GRXCR2: variants seen among roughly 807,000 people sequenced by gnomAD.
GRXCR2 encodes the protein glutaredoxin domain-containing cysteine-rich protein 2.
Under a neutral mutation model 24.8 loss-of-function variants are expected in GRXCR2, and 23 were observed. That is an observed-to-expected ratio of 0.93 (90% CI 0.67 to 1.32). GRXCR2 has a LOEUF of 1.32. Among genes scored for constraint, GRXCR2 ranks in the 40% most tolerant of loss-of-function variants. GRXCR2 has a pLI of 0.00. For missense variants in GRXCR2, 315 were observed against 303.4 expected (o/e 1.04, Z -0.28); for synonymous variants, 130 against 116.1 (o/e 1.12, Z -0.77).
At chr5:145,927,853 A>G (rs1757422468) in intron 2 of GRXCR2, among the ~76,000 whole-genome samples, 1 of 152,194 alleles carries the variant, frequency 6.6e-6, no homozygotes, top group African/African-American at 2.4e-5. Context: ...GAAGCACTTC[A>G]TGTCTAAAAC....
chr5:145,876,191 G>GTATATATATATATATATATATATA (rs748811333), upstream of GRXCR2, among the ~76,000 whole-genome samples: 2 of 105,312 alleles, frequency 1.9e-5, no homozygotes, highest in Non-Finnish European at 3.7e-5. Context: ...GTGTGTGTGT[G>GTATATATATATATATATATATATA]TATATATATA....
chr5:145,918,717 G>C (rs895734386), intron 2 of GRXCR2, among the ~76,000 whole-genome samples: 1 of 152,070 alleles, frequency 6.6e-6, no homozygotes, highest in South Asian at 2.1e-4. Flanking sequence ...CATTACTTAG[G>C]GATTTCCCCC....
chr5:145,866,716 T>C lies in GRXCR2; in HGVS notation c.349A>G (p.Ile117Val), dbSNP rs754314197. The C allele has an allele frequency of 1.3e-5, 21 of 1,603,836 alleles. No homozygotes were observed. The highest frequency in any genetic ancestry group is 1.7e-5 in the Admixed American group (1 of 59,986). ...TAGATGATTATCTTTCCAAAATCTA[T>C]AATAGGTAGGGGCTAGAGAAATGGA... ...KANDHKPLPI[I>V]DFGKIIIYTN... Residue 117 changes from isoleucine (I) to valine (V), a missense_variant, in exon 2 of 3, where the codon ATA becomes GTA. Transcript: ENST00000377976.
intron 1 of GRXCR2, among the ~76,000 whole-genome samples, chr5:145,867,448 T>C (rs557708890): frequency 6.6e-6 from 1 of 152,330 alleles, no homozygotes; most frequent in South Asian, 2.1e-4. Context: ...ACCTATTTTT[T>C]CATTAGCTAT....
chr5:145,886,891 T>C (rs1253183738), intron 2 of GRXCR2, among the ~76,000 whole-genome samples: 1 of 152,196 alleles, frequency 6.6e-6, no homozygotes, highest in East Asian at 1.9e-4. Context: ...CTAAACCCTT[T>C]AATTCCTATG....
At chr5:145,892,459 C>T (rs1756882266) in intron 2 of GRXCR2, among the ~76,000 whole-genome samples, 1 of 152,132 alleles carries the variant, frequency 6.6e-6, no homozygotes, top group African/African-American at 2.4e-5. Context: ...GAGCTGAAAA[C>T]CATGGCACGA....
chr5:145,897,923 TA>T (rs1157495843), intron 2 of GRXCR2, among the ~76,000 whole-genome samples: 3 of 151,684 alleles, frequency 2.0e-5, no homozygotes, highest in Admixed American at 6.6e-5. Flanking sequence ...AAAAACAAGA[TA>T]AAACTAACCC....
rs116688325 is a variant in GRXCR2, at chr5:145,925,994, A to G, written c.-70+9707T>C. Among the ~76,000 whole-genome samples, 500 of 152,250 alleles carry G rather than the reference A, an allele frequency of 3.3e-3. 2 individuals are homozygous for G. The highest frequency in any genetic ancestry group is 0.011 in the African/African-American group (468 of 41,560). On this transcript the variant is annotated intron_variant, in intron 2 of 3. Coordinates refer to the GRXCR2 transcript ENST00000639411. The stretch of plus-strand genomic sequence containing the variant: ...AAAAAAACAAGATTGTGGTTACCCA[A>G]TTGTCTGAGCAAACTGTCAGCTTTT...
intron 2 of GRXCR2, among the ~76,000 whole-genome samples, chr5:145,929,199 C>CTATATATATATATATATATATATA (rs72283862): frequency 1.5e-4 from 18 of 116,478 alleles, no homozygotes; most frequent in African/African-American, 5.7e-4. Flanking sequence ...ATATTCCCCC[C>CTATATATATATATATATATATATA]TATATATATA....
downstream of GRXCR2, among the ~76,000 whole-genome samples, chr5:145,857,683 GTTAT>G (rs1241061033): frequency 2.0e-5 from 3 of 152,240 alleles, no homozygotes; most frequent in East Asian, 5.8e-4. Flanking sequence ...TCATTAGTAG[GTTAT>G]TTATTATGTG....
intron 2 of GRXCR2, among the ~76,000 whole-genome samples, chr5:145,908,066 G>A (rs1219780979): frequency 6.6e-6 from 1 of 152,122 alleles, no homozygotes; most frequent in African/African-American, 2.4e-5. Context: ...CCAGTTCTAT[G>A]AGGAAGATGC....
intron 2 of GRXCR2, among the ~76,000 whole-genome samples, chr5:145,899,720 T>C (rs1757000314): frequency 6.6e-6 from 1 of 152,114 alleles, no homozygotes; most frequent in African/African-American, 2.4e-5. Context: ...TGCAGAAGAA[T>C]GAAATTGGAC....
At chr5:145,903,586 A>G (rs1467043596) in intron 2 of GRXCR2, among the ~76,000 whole-genome samples, 1 of 152,112 alleles carries the variant, frequency 6.6e-6, no homozygotes, top group Non-Finnish European at 1.5e-5. Flanking sequence ...CTGTGTGACT[A>G]AAACAAACCT....
rs761960449 is a variant in GRXCR2, at chr5:145,859,730, G to A, written c.*3C>T. The A allele has an allele frequency of 4.6e-5, 74 of 1,613,684 alleles. No individual in the cohort carries two copies. The Middle Eastern group carries it at 9.9e-4, about 22-fold the overall frequency. Reference sequence around the variant, plus strand: ...ATAACAGTGGACATGCAAAAGCCACGGGCTATTGATTGCAAATCTGGCAAG... The same window carrying A: ...ATAACAGTGGACATGCAAAAGCCACAGGCTATTGATTGCAAATCTGGCAAG... On this transcript the variant is annotated 3_prime_UTR_variant, in exon 3 of 3. Transcript: ENST00000377976.
chr5:145,919,434 C>T (rs1757291502), intron 2 of GRXCR2, among the ~76,000 whole-genome samples: 2 of 152,198 alleles, frequency 1.3e-5, no homozygotes, highest in African/African-American at 4.8e-5. Flanking sequence ...AAAATGGTAG[C>T]CTCATTCTCC....
chr5:145,891,158 C>A (rs1048157300), intron 2 of GRXCR2, among the ~76,000 whole-genome samples: 8 of 152,084 alleles, frequency 5.3e-5, no homozygotes, highest in African/African-American at 1.9e-4. Context: ...GGGGGAGGAG[C>A]CAACATGGCC....
chr5:145,928,794 C>T (rs1420268386), intron 2 of GRXCR2, among the ~76,000 whole-genome samples: 1 of 151,434 alleles, frequency 6.6e-6, no homozygotes, highest in East Asian at 2.0e-4. Context: ...GGAGATATAC[C>T]TAGTGTTAAA....
intron 2 of GRXCR2, among the ~76,000 whole-genome samples, chr5:145,916,062 G>T (rs1757233364): frequency 6.6e-6 from 1 of 152,182 alleles, no homozygotes; most frequent in Admixed American, 6.5e-5. Context: ...ATGATGCTCT[G>T]CAGAGAATTC....
At chr5:145,890,269 T>C (rs1236804041) in intron 2 of GRXCR2, among the ~76,000 whole-genome samples, 1 of 152,134 alleles carries the variant, frequency 6.6e-6, no homozygotes, top group Non-Finnish European at 1.5e-5. Flanking sequence ...TTTGTATTTT[T>C]AGTAGAGAAG....
Sources: allele counts gnomAD v4.1 joint callset (sites outside exome capture counted in the v4.1 genomes callset), GRCh38; gene constraint gnomAD v4.1.1; transcripts MANE v1.5; gene names NCBI Gene and HGNC (gene_info 2026-07-23, HGNC 2026-07-21).